KLRF1: variants seen among roughly 807,000 people sequenced by gnomAD.
KLRF1 encodes the protein killer cell lectin-like receptor subfamily F member 1.
In KLRF1, 27 loss-of-function variants were observed where a neutral mutation model predicts 30.7. The observed-to-expected ratio is 0.88, with a 90% CI of 0.65 to 1.21. KLRF1 has a LOEUF of 1.21. Among genes scored for constraint, KLRF1 ranks in the 50% most tolerant of loss-of-function variants. KLRF1 has a pLI of 0.00. For synonymous variants in KLRF1, 92 were observed against 89.3 expected, an observed-to-expected ratio of 1.03 and a Z score of -0.17; for missense variants, 246 against 259.3, an observed-to-expected ratio of 0.95 and a Z score of 0.35.
At chr12:9,801,803 G>T in the KLRF1 span, among the ~76,000 whole-genome samples, 1 of 152,052 alleles carries the variant, frequency 6.6e-6, no homozygotes, top group South Asian at 2.1e-4. Context: ...TAGGTTGCCT[G>T]TTCACTCTGA....
At chr12:9,832,004 G>A (rs7312731) in intron 1 of KLRF1, among the ~76,000 whole-genome samples, 146,086 of 152,254 alleles carry the variant, frequency 0.96, 70,281 homozygotes, top group Non-Finnish European at 1. Context: ...TCATGAGTGC[G>A]TGTGTCTCCG....
the KLRF1 span, among the ~76,000 whole-genome samples, chr12:9,822,029 A>G: frequency 1.3e-5 from 2 of 152,234 alleles, no homozygotes; most frequent in Non-Finnish European, 2.9e-5. Flanking sequence ...TATGCAATCT[A>G]CATCATGGCT....
At chr12:9,806,362 T>A in the KLRF1 span, among the ~76,000 whole-genome samples, 6,830 of 152,214 alleles carry the variant, frequency 0.045, 315 homozygotes, top group African/African-American at 0.12. Flanking sequence ...TTTTTTGATA[T>A]CTAATTTTAT....
At chr12:9,837,623 G>C (rs1867608159) in intron 3 of KLRF1, among the ~76,000 whole-genome samples, 1 of 152,084 alleles carries the variant, frequency 6.6e-6, no homozygotes, top group Non-Finnish European at 1.5e-5. Flanking sequence ...TTCCTCTCAA[G>C]CTTTTCAGTC....
the KLRF1 span, chr12:9,817,733 C>A: frequency 4.7e-6 from 1 of 211,570 alleles, no homozygotes; most frequent in Admixed American, 6.1e-5. Context: ...TCAGTCACCC[C>A]ATGATATTTT....
chr12:9,804,207 C>CT, the KLRF1 span, among the ~76,000 whole-genome samples: 1 of 151,598 alleles, frequency 6.6e-6, no homozygotes, highest in Non-Finnish European at 1.5e-5. Flanking sequence ...CATTCATGGC[C>CT]TTTTTTCAAT....
chr12:9,823,528 A>G (rs1867249833), upstream of KLRF1, among the ~76,000 whole-genome samples: 1 of 152,162 alleles, frequency 6.6e-6, no homozygotes, highest in Admixed American at 6.5e-5. Context: ...CGCCTACACA[A>G]AAAAGTTAGA....
the KLRF1 span, among the ~76,000 whole-genome samples, chr12:9,801,395 T>C: frequency 2.0e-5 from 3 of 152,124 alleles, no homozygotes; most frequent in African/African-American, 7.2e-5. Context: ...ATGGTATTTC[T>C]GGTACTAGAT....
chr12:9,820,541 G>T, the KLRF1 span, among the ~76,000 whole-genome samples: 1 of 152,132 alleles, frequency 6.6e-6, no homozygotes, highest in African/African-American at 2.4e-5. Flanking sequence ...TGGAGAGTCT[G>T]TGGGGACCAG....
chr12:9,833,231 C>A, intron 2 of KLRF1, 72 bp from the exon 3 acceptor site: 1 of 1,019,372 alleles, frequency 9.8e-7, no homozygotes, highest in Non-Finnish European at 1.4e-6. Context: ...CGGAATCATT[C>A]CATTGAATGT....
the KLRF1 span, among the ~76,000 whole-genome samples, chr12:9,816,263 C>G: frequency 6.6e-5 from 10 of 152,300 alleles, no homozygotes; most frequent in East Asian, 1.9e-3. Flanking sequence ...CTAAACCCAG[C>G]ACAAACAAGA....
At chr12:9,816,880 T>C in the KLRF1 span, among the ~76,000 whole-genome samples, 2 of 151,886 alleles carry the variant, frequency 1.3e-5, no homozygotes, top group East Asian at 1.9e-4. Flanking sequence ...CCCAACACCA[T>C]GCCCGGCTAA....
At chr12:9,821,232 G>A in the KLRF1 span, among the ~76,000 whole-genome samples, 9 of 152,040 alleles carry the variant, frequency 5.9e-5, no homozygotes, top group Non-Finnish European at 1.0e-4. Flanking sequence ...TGCCAGCAAT[G>A]CAGCTGCCCC....
chr12:9,831,230 AT>A (rs1188124106), intron 1 of KLRF1, among the ~76,000 whole-genome samples: 3 of 152,146 alleles, frequency 2.0e-5, no homozygotes, highest in African/African-American at 7.2e-5. Flanking sequence ...TATATCAAAA[AT>A]TCAAAAATAA....
chr12:9,803,177 C>G, the KLRF1 span, among the ~76,000 whole-genome samples: 2 of 152,096 alleles, frequency 1.3e-5, no homozygotes, highest in Admixed American at 6.6e-5. Flanking sequence ...ACCATTTGAT[C>G]TTCGACAAAC....
chr12:9,842,256 A>G, intron 4 of KLRF1, 65 bp from the exon 5 acceptor site: 2 of 1,575,918 alleles, frequency 1.3e-6, no homozygotes, highest in Non-Finnish European at 1.7e-6. Flanking sequence ...AATAACATTT[A>G]AAATATTCAG....
At chr12:9,843,674 T>C (rs2136969457) in intron 5 of KLRF1, among the ~76,000 whole-genome samples, 1 of 152,264 alleles carries the variant, frequency 6.6e-6, no homozygotes, top group South Asian at 2.1e-4. Flanking sequence ...GAGTTTTAAG[T>C]CTAGATCATG....
At chr12:9,809,909 A>G in the KLRF1 span, among the ~76,000 whole-genome samples, 1 of 152,296 alleles carries the variant, frequency 6.6e-6, no homozygotes, top group African/African-American at 2.4e-5. Flanking sequence ...AAATCACCCC[A>G]TGAATAAATC....
At chr12:9,800,811 G>A in the KLRF1 span, among the ~76,000 whole-genome samples, 109 of 151,676 alleles carry the variant, frequency 7.2e-4, no homozygotes, top group African/African-American at 2.5e-3. Context: ...TTGGTCTGTG[G>A]CTTATCTTTT....
Sources: gnomAD v4.1 joint callset for allele counts (sites outside exome capture counted in the v4.1 genomes callset) on GRCh38, gnomAD v4.1.1 for gene constraint, MANE v1.5 for transcripts, NCBI Gene and HGNC (gene_info 2026-07-23, HGNC 2026-07-21) for gene names.